KIF21A: variants seen among roughly 807,000 people sequenced by gnomAD.
The protein encoded by KIF21A is kinesin family member 21A.
In KIF21A, 114 loss-of-function variants were observed where a neutral mutation model predicts 202.9. The observed-to-expected ratio is 0.56, with a 90% CI of 0.48 to 0.66. KIF21A has a LOEUF of 0.66. Among genes scored for constraint, KIF21A ranks in the 30% least tolerant of loss-of-function variants. KIF21A has a pLI of 0.00. For missense variants in KIF21A, 1,677 were observed against 1,994.9 expected, an observed-to-expected ratio of 0.84 and a Z score of 3.04; for synonymous variants, 667 against 670.8, an observed-to-expected ratio of 0.99 and a Z score of 0.09.
chr12:39,418,004 T>TG (rs1953921135), intron 1 of KIF21A, among the ~76,000 whole-genome samples: 1 of 151,902 alleles, frequency 6.6e-6, no homozygotes, highest in African/African-American at 2.4e-5. Context: ...GCTCAGGAGT[T>TG]GGAGATCAGC....
intron 1 of KIF21A, among the ~76,000 whole-genome samples, chr12:39,436,427 T>TATAG (rs1412381996): frequency 4.4e-5 from 5 of 113,518 alleles, no homozygotes; most frequent in African/African-American, 2.1e-4. Context: ...CTATATTATA[T>TATAG]ATATATATAT....
intron 17 of KIF21A, among the ~76,000 whole-genome samples, chr12:39,336,114 C>A (rs757675366): frequency 7.2e-5 from 11 of 152,074 alleles, no homozygotes; most frequent in Non-Finnish European, 1.2e-4. Context: ...GGCAGTCTTG[C>A]TGTGTTGTTG....
chr12:39,349,751 A>G (rs1592275203), intron 11 of KIF21A, among the ~76,000 whole-genome samples: 1 of 152,078 alleles, frequency 6.6e-6, no homozygotes, highest in East Asian at 1.9e-4. Flanking sequence ...TTTTTAATTC[A>G]AAAAAACATT....
At chr12:39,356,348 G>A (rs1948773740) in intron 10 of KIF21A, among the ~76,000 whole-genome samples, 1 of 152,208 alleles carries the variant, frequency 6.6e-6, no homozygotes, top group Non-Finnish European at 1.5e-5. Context: ...TGTGTGGCAT[G>A]TTGTATGAAA....
intron 37 of KIF21A, 57 bp downstream of exon 37, chr12:39,301,419 ATATT>A: frequency 8.1e-7 from 1 of 1,229,080 alleles, no homozygotes; most frequent in South Asian, 1.2e-5. Context: ...TATTTACAAC[ATATT>A]TATTAAATCT....
chr12:39,366,455 C>T lies in KIF21A; in HGVS notation c.798G>A (p.Leu266=). ...GATCAACAAAATGGAACTTTGCAGT[C>T]AGGGTTTCAAATTCATTCATCTGTG... is the stretch of plus-strand genomic sequence containing the variant. ...ESAQMNEFET[L]TAKFHFVDLA... Residue 266 remains leucine, a synonymous_variant, in exon 6 of 38, where the codon CTG becomes CTA. Coordinates refer to ENST00000361418, the MANE Select transcript of KIF21A (RefSeq NM_001173464.2). The T allele has an allele frequency of 6.2e-7, 1 of 1,613,712 alleles. No homozygotes were observed. The highest frequency in any genetic ancestry group is 1.7e-5 in the Admixed American group (1 of 59,996).
intron 11 of KIF21A, 90 bp downstream of exon 11, chr12:39,351,687 C>T: frequency 1.3e-6 from 1 of 762,816 alleles, no homozygotes; most frequent in South Asian, 1.6e-5. Flanking sequence ...CTAAGGTACT[C>T]ATGAGACTAT....
chr12:39,294,542 G>C, intron 37 of KIF21A, 25 bp from the exon 38 acceptor site: 1 of 1,541,268 alleles, frequency 6.5e-7, no homozygotes, highest in East Asian at 2.2e-5. Context: ...ACAAAACATG[G>C]ATATATGAAC....
chr12:39,407,703 T>A (rs558688138), intron 1 of KIF21A, among the ~76,000 whole-genome samples: 1 of 152,114 alleles, frequency 6.6e-6, no homozygotes, highest in Non-Finnish European at 1.5e-5. Flanking sequence ...CTAGAGAAAA[T>A]CCCATTATCA....
intron 34 of KIF21A, among the ~76,000 whole-genome samples, chr12:39,305,369 A>G (rs369437460): frequency 2.4e-3 from 164 of 68,684 alleles, no homozygotes; most frequent in African/African-American, 0.015. Context: ...CCGACTCAAG[A>G]AAAAAAAAAA....
chr12:39,399,178 C>A (rs1044546405), intron 1 of KIF21A, among the ~76,000 whole-genome samples: 6 of 152,164 alleles, frequency 3.9e-5, no homozygotes, highest in African/African-American at 1.4e-4. Flanking sequence ...AAGATCACAG[C>A]AAGATTCCAT....
At chr12:39,414,792 G>A (rs149823366) in intron 1 of KIF21A, among the ~76,000 whole-genome samples, 3,374 of 152,186 alleles carry the variant, frequency 0.022, 70 homozygotes, top group Non-Finnish European at 0.03. Context: ...ATCAACAAAT[G>A]TTTATTGAAG....
At chr12:39,361,150 T>C (rs898074101) in intron 7 of KIF21A, among the ~76,000 whole-genome samples, 19 of 152,290 alleles carry the variant, frequency 1.2e-4, no homozygotes, top group African/African-American at 4.6e-4. Flanking sequence ...AGACCACTTA[T>C]AAGGTAAGCA....
chr12:39,420,952 A>T (rs2140219970), intron 1 of KIF21A, among the ~76,000 whole-genome samples: 1 of 152,300 alleles, frequency 6.6e-6, no homozygotes, highest in Non-Finnish European at 1.5e-5. Context: ...AACAAAAAAA[A>T]AAATAAAGTG....
At chr12:39,299,014 A>T (rs1272533882) in intron 37 of KIF21A, among the ~76,000 whole-genome samples, 1 of 152,204 alleles carries the variant, frequency 6.6e-6, no homozygotes, top group Admixed American at 6.5e-5. Flanking sequence ...AGTAAGTAGA[A>T]CTAATTTTTT....
At chr12:39,366,982 T>G in intron 5 of KIF21A, 48 bp downstream of exon 5, 1 of 1,528,138 alleles carries the variant, frequency 6.5e-7, no homozygotes, top group Non-Finnish European at 9.1e-7. Context: ...CATGTGGTTT[T>G]AGGGAGATAA....
intron 1 of KIF21A, among the ~76,000 whole-genome samples, chr12:39,427,996 G>T (rs1411398836): frequency 2.0e-5 from 3 of 152,152 alleles, no homozygotes; most frequent in African/African-American, 7.2e-5. Context: ...AGAGAACATG[G>T]TTCTCATCAC....
At chr12:39,319,539 ACAT>A (rs1324615493) in intron 28 of KIF21A, among the ~76,000 whole-genome samples, 2 of 152,232 alleles carry the variant, frequency 1.3e-5, no homozygotes, top group Non-Finnish European at 2.9e-5. Flanking sequence ...GTTTTAGCTA[ACAT>A]GGCAATGACG....
intron 23 of KIF21A, among the ~76,000 whole-genome samples, chr12:39,330,465 A>G (rs992527982): frequency 1.8e-4 from 27 of 152,342 alleles, no homozygotes; most frequent in African/African-American, 2.6e-4. Flanking sequence ...TAAGTAATTT[A>G]GATAACCAAT....
Sources: gnomAD v4.1 joint callset for allele counts (sites outside exome capture counted in the v4.1 genomes callset) on GRCh38, gnomAD v4.1.1 for gene constraint, MANE v1.5 for transcripts, NCBI Gene and HGNC (gene_info 2026-07-23, HGNC 2026-07-21) for gene names.